ASPSCR1: variants seen among roughly 807,000 people sequenced by gnomAD.
ASPSCR1 encodes the protein ASPSCR1 tether for SLC2A4, UBX domain containing.
Under a neutral mutation model 68.9 loss-of-function variants are expected in ASPSCR1, and 55 were observed. That is an observed-to-expected ratio of 0.80 (90% CI 0.64 to 1.00). ASPSCR1 has a LOEUF of 1.00. Ranked by LOEUF, ASPSCR1 falls within the 50% of genes least tolerant of loss-of-function variation. The pLI is 0.00. For synonymous variants in ASPSCR1, 352 were observed against 332.6 expected, an observed-to-expected ratio of 1.06 and a Z score of -0.63; for missense variants, 765 against 762.2, an observed-to-expected ratio of 1.00 and a Z score of -0.04.
chr17:81,995,334 G>A (rs749763768), intron 5 of ASPSCR1: 5 of 309,326 alleles, frequency 1.6e-5, no homozygotes, highest in East Asian at 1.1e-4. Flanking sequence ...GACATTCCCC[G>A]CATTTATCCC....
intron 7 of ASPSCR1, among the ~76,000 whole-genome samples, chr17:82,000,456 G>T (rs371452816): frequency 1.3e-5 from 2 of 152,016 alleles, no homozygotes; most frequent in Non-Finnish European, 2.9e-5. Flanking sequence ...TCCCATCGCC[G>T]CCAGCCGCAC....
intron 1 of ASPSCR1, 122 bp from the exon 2 acceptor site, chr17:81,979,062 G>GGCTTTGCCTGGGC: frequency 1.0e-6 from 1 of 979,008 alleles, no homozygotes; most frequent in Non-Finnish European, 1.6e-6. Context: ...TCTTGTGCTT[G>GGCTTTGCCTGGGC]GCTTTGCCTG....
At chr17:82,015,655 C>T in intron 12 of ASPSCR1, 1 of 449,034 alleles carries the variant, frequency 2.2e-6, no homozygotes. Context: ...GCAGTGTCCC[C>T]TGGGCTTCTG....
At chr17:82,009,230 A>G (rs754580874) in intron 8 of ASPSCR1, 39 bp downstream of exon 8, 17 of 1,559,868 alleles carry the variant, frequency 1.1e-5, no homozygotes, top group Non-Finnish European at 1.5e-5. Flanking sequence ...TCTTCGCGCC[A>G]GGGTTTGCCC....
chr17:82,017,080 C>T lies in ASPSCR1; in HGVS notation c.1615C>T (p.Leu539=), dbSNP rs758443751. The change falls in exon 15 of 16, where the codon CTG becomes TTG. Residue 539 remains leucine, a synonymous_variant. Transcript: ENST00000306739. ...PGTAQPVKRS[L]GKVPKWLKLP... Reference sequence around the variant, plus strand: ...GACGGCCCAGCCCGTGAAGAGGAGCCTGGGCAAGGTGCCCAAGTGGCTGAA... The same window carrying T: ...GACGGCCCAGCCCGTGAAGAGGAGCTTGGGCAAGGTGCCCAAGTGGCTGAA... 8 of 1,606,328 alleles carry T rather than the reference C, an allele frequency of 5.0e-6. No homozygotes were observed. The Admixed American group carries it at 6.7e-5, about 13-fold the overall frequency.
chr17:81,988,446 C>T (rs1172094774), intron 4 of ASPSCR1, among the ~76,000 whole-genome samples: 1 of 149,034 alleles, frequency 6.7e-6, no homozygotes, highest in Admixed American at 6.7e-5. Flanking sequence ...CAAAGCAGGA[C>T]TCCGTCTCAA....
intron 4 of ASPSCR1, among the ~76,000 whole-genome samples, chr17:81,992,574 C>T (rs533208091): frequency 3.5e-4 from 53 of 152,174 alleles, no homozygotes; most frequent in Admixed American, 8.5e-4. Context: ...TGACCATCTC[C>T]GGACCCCTGG....
chr17:82,000,617 C>T (rs554869574), intron 7 of ASPSCR1, among the ~76,000 whole-genome samples: 3 of 152,294 alleles, frequency 2.0e-5, no homozygotes, highest in South Asian at 4.1e-4. Flanking sequence ...TAATGTTTTG[C>T]CTGTGTGTGG....
At position 81,979,135 on chromosome 17, in the gene ASPSCR1, G is replaced by A. The variant is rs148233930; in HGVS notation, c.103-49G>A. On this transcript the variant is annotated intron_variant, in intron 1 of 15. Coordinates refer to ENST00000306739, the MANE Select transcript of ASPSCR1 (RefSeq NM_024083.4). ...TTGGCTGACCTGGCCCACTGCGCCCGCCAGCCCTGCACACTCAGCAGTTCA... is the reference window on the plus strand; with the variant it reads ...TTGGCTGACCTGGCCCACTGCGCCCACCAGCCCTGCACACTCAGCAGTTCA... 1.4e-4 allele frequency: 218 copies of A among 1,604,732 alleles called. 2 individuals carry two copies. The East Asian group carries it at 4.5e-3, about 33-fold the overall frequency.
At chr17:82,016,243 G>C in intron 12 of ASPSCR1, 1 of 567,368 alleles carries the variant, frequency 1.8e-6, no homozygotes, top group Non-Finnish European at 3.2e-6. Flanking sequence ...CCTTCAGCTG[G>C]CTTGGGGCTT....
chr17:81,996,681 T>C lies in ASPSCR1; in HGVS notation c.768T>C (p.Pro256=). ...SGGGQRLGGP[P]GPTRPLTSSS... ...GGGGACAGAGACTGGGGGGCCCTCC[T>C]GGGCCCACGAGGCCTCTGACATCAT... The change falls in exon 7 of 16, where the codon CCT becomes CCC. Residue 256 remains proline (P), a synonymous_variant. Transcript: ENST00000306739. The C allele has an allele frequency of 6.2e-7, 1 of 1,612,378 alleles. No homozygotes were observed. The highest frequency in any genetic ancestry group is 8.5e-7 in the Non-Finnish European group (1 of 1,179,044).
intron 7 of ASPSCR1, 103 bp downstream of exon 7, chr17:81,996,949 GGCAGAGGAACCCAAACGC>G (rs979257731): frequency 1.4e-5 from 21 of 1,507,368 alleles, no homozygotes; most frequent in East Asian, 2.3e-5. Flanking sequence ...CCGTGATGCG[GGCAGAGGAACCCAAACGC>G]GCAGAGGAAC....
rs199668336 is a variant in ASPSCR1, at chr17:82,012,214, G to A, written c.1301-17G>A. 6.8e-6 allele frequency: 11 copies of A among 1,612,768 alleles called. No individual in the cohort carries two copies. The East Asian group carries it at 1.6e-4, about 23-fold the overall frequency. On this transcript the variant is annotated splice_polypyrimidine_tract_variant and intron_variant, in intron 11 of 15. Transcript: ENST00000306739. ...GTCCACGGTGCTTCCTAACACGTAG[G>A]TGCCTTCTCTCCTCAGTCATCACCC...
At position 81,983,465 on chromosome 17, in the gene ASPSCR1, G is replaced by A. The variant is rs2277708; in HGVS notation, c.159-89G>A. On this transcript the variant is annotated intron_variant, in intron 2 of 15. Coordinates refer to ENST00000306739, the MANE Select transcript of ASPSCR1 (RefSeq NM_024083.4). This position sits in a 1 kb window ranked among gnomAD's most constrained non-coding sequence, Gnocchi z 4.4. ...GATGGCGGGGCGTGGATGGCGGGGCGTGGATGGTGGGACGGGGATGGCGGG... is the reference window on the plus strand; with the variant it reads ...GATGGCGGGGCGTGGATGGCGGGGCATGGATGGTGGGACGGGGATGGCGGG... The A allele has an allele frequency of 1.9e-5, 21 of 1,107,906 alleles. No homozygotes were observed. Among genetic ancestry groups the A allele is most frequent in the African/African-American group, 3.1e-5 (2 of 65,184 alleles). The allele number at this position is 1,107,906 out of a possible 1,614,324, so 68.6% of individuals were successfully genotyped here.
intron 4 of ASPSCR1, among the ~76,000 whole-genome samples, chr17:81,992,871 G>C (rs529052610): frequency 8.5e-5 from 13 of 152,228 alleles, no homozygotes; most frequent in Non-Finnish European, 1.6e-4. Context: ...CCGTGTGTGT[G>C]GTGCGCACGT....
At chr17:81,981,410 G>T (rs531529289) in intron 2 of ASPSCR1, among the ~76,000 whole-genome samples, 44 of 152,250 alleles carry the variant, frequency 2.9e-4, no homozygotes, top group African/African-American at 1.0e-3. Flanking sequence ...GTGGAGTCTC[G>T]CTCTGTCACA....
At position 82,016,939 on chromosome 17, in the gene ASPSCR1, A is replaced by G. The variant is rs143008575; in HGVS notation, c.1476-2A>G. 1,634 of 1,610,818 alleles carry G rather than the reference A, an allele frequency of 1.0e-3. 3 individuals are homozygous for G. The highest frequency in any genetic ancestry group is 2.9e-3 in the African/African-American group (220 of 74,972). ...CCACTCTGTGTCTTCGCCTCCCCAC[A>G]GGTACATGTCCAGGGCCGCCGGGTC... On this transcript the variant is annotated splice_acceptor_variant, in intron 14 of 15. Transcript: ENST00000306739. LOFTEE classifies it high-confidence loss of function.
intron 12 of ASPSCR1, chr17:82,013,296 T>G (rs898227769): frequency 2.0e-5 from 3 of 152,200 alleles, no homozygotes; most frequent in East Asian, 1.9e-4. Context: ...GAAGATGCCT[T>G]GGGATGGAGG....
In ASPSCR1 at chr17:81,983,744, A is replaced by G. The variant is rs1206851423; in HGVS notation, c.273+76A>G. ...GCTGGCCAGGGACGGGGGACGGGAC[A>G]GTGGGGGGTGCTGGGGAAGGAGGGA... is the stretch of plus-strand genomic sequence containing the variant. On this transcript the variant is annotated intron_variant, in intron 3 of 15. Transcript: ENST00000306739. This position sits in a 1 kb window ranked among gnomAD's most constrained non-coding sequence, Gnocchi z 4.4. 1.6e-6 allele frequency: 2 copies of G among 1,234,452 alleles called. No individual in the cohort carries two copies. Among genetic ancestry groups the G allele is most frequent in the Non-Finnish European group, 2.3e-6 (2 of 870,776 alleles). 76.5% of individuals were successfully genotyped at this position (1,234,452 alleles called of 1,614,324 possible).
Sources: allele counts gnomAD v4.1 joint callset (sites outside exome capture counted in the v4.1 genomes callset), GRCh38; gene constraint gnomAD v4.1.1; non-coding constraint Gnocchi (gnomAD v3.1); transcripts MANE v1.5; gene names NCBI Gene and HGNC (gene_info 2026-07-23, HGNC 2026-07-21).